B4GALT3: variants seen among roughly 807,000 people sequenced by gnomAD.
B4GALT3 encodes the protein beta-1,4-galactosyltransferase 3.
A neutral mutation model predicts 40.7 loss-of-function variants in B4GALT3; 29 were observed. The ratio of observed to expected loss-of-function variants is 0.71; its 90% confidence interval spans 0.53 to 0.97. B4GALT3 has a LOEUF of 0.97. Among genes scored for constraint, B4GALT3 ranks in the 50% least tolerant of loss-of-function variants. The probability of loss-of-function intolerance (pLI) is 0.00; values close to 1 mark genes in which losing one functional copy is unlikely to be tolerated. For missense variants in B4GALT3, 390 were observed against 522.3 expected (o/e 0.75, Z 2.47); for synonymous variants, 182 against 203.9 (o/e 0.89, Z 0.92).
At chr1:161,176,635 C>T in intron 1 of B4GALT3, 56 bp from the exon 2 acceptor site, 1 of 579,140 alleles carries the variant, frequency 1.7e-6, no homozygotes. Flanking sequence ...AGATCAGGAT[C>T]AGGGTGAAGC....
At chr1:161,173,469 G>C in intron 6 of B4GALT3, 136 bp downstream of exon 6, 1 of 1,307,348 alleles carries the variant, frequency 7.6e-7, no homozygotes, top group East Asian at 2.3e-5. Flanking sequence ...ATCCTAAAAA[G>C]ACTAAGGGAA....
At position 161,171,875 on chromosome 1, in the gene B4GALT3, G is replaced by A; in HGVS notation, c.1123C>T (p.Pro375Ser). ...FRQEMLQRRPPARPGPLSTAN... is the reference protein window; with the variant it reads ...FRQEMLQRRPSARPGPLSTAN... ...GTAGATAGAGGCCCAGGCCTGGCTGGGGGCCGGCGTTGCAGCATCTCTTGA... is the reference window on the plus strand; with the variant it reads ...GTAGATAGAGGCCCAGGCCTGGCTGAGGGCCGGCGTTGCAGCATCTCTTGA... Residue 375 changes from proline (P) to serine (S), a missense_variant, in exon 8 of 8, where the codon CCA (proline) becomes TCA (serine). This residue lies in a region of B4GALT3 where 72 missense variants were observed against 71.3 expected (regional missense o/e 1.01). Transcript: ENST00000319769. The A allele has an allele frequency of 6.2e-7, 1 of 1,614,196 alleles. No homozygotes were observed. Among genetic ancestry groups the A allele is most frequent in the Admixed American group, 1.7e-5 (1 of 60,022 alleles).
chr1:161,176,340 CA>C, intron 2 of B4GALT3, 93 bp downstream of exon 2: 1 of 538,498 alleles, frequency 1.9e-6, no homozygotes, highest in East Asian at 3.1e-5. Flanking sequence ...TCCTCACCCC[CA>C]AAAATGTTTA....
intron 1 of B4GALT3, 180 bp downstream of exon 1, chr1:161,177,243 T>C (rs917634794): frequency 4.6e-6 from 3 of 653,708 alleles, no homozygotes; most frequent in Non-Finnish European, 7.7e-6. Context: ...CCTATCCCAG[T>C]CTCTTGCTTT....
At chr1:161,175,452 G>A (rs1420607963) in intron 3 of B4GALT3, among the ~76,000 whole-genome samples, 1 of 152,070 alleles carries the variant, frequency 6.6e-6, no homozygotes, top group Non-Finnish European at 1.5e-5. Context: ...TTTTAGGGTT[G>A]CCTAACTTTC....
At chr1:161,174,307 T>C (rs1398089698) in intron 4 of B4GALT3, among the ~76,000 whole-genome samples, 1 of 149,262 alleles carries the variant, frequency 6.7e-6, no homozygotes, top group East Asian at 2.0e-4. Context: ...CTCAGGAGGC[T>C]GAGGCAGGAG....
chr1:161,173,840 A>G lies in B4GALT3; in HGVS notation c.680+19T>C. The G allele has an allele frequency of 6.2e-7, 1 of 1,611,556 alleles. No homozygotes were observed. Among genetic ancestry groups the G allele is most frequent in the Non-Finnish European group, 8.5e-7 (1 of 1,178,416 alleles). On this transcript the variant is annotated intron_variant, in intron 5 of 7. Transcript: ENST00000319769. ...ATAGTAGGCTTCCCTGTTTCCCAGT[A>G]CCCTTCCATGCCCTCTACCTGTATC...
At position 161,171,351 on chromosome 1, in the gene B4GALT3, AG is replaced by A; in HGVS notation, c.*464del. ...TTATTAGAAAATATATCAAAATCCC[AG>A]CCCCCTGAGCCAGGACCAGAAGAGG... On this transcript the variant is annotated 3_prime_UTR_variant, in exon 8 of 8. Transcript: ENST00000319769. 9.0e-7 allele frequency: 1 copy of A among 1,114,868 alleles called. No individual in the cohort carries two copies. The highest frequency in any genetic ancestry group is 1.3e-6 in the Non-Finnish European group (1 of 777,000). 69.1% of individuals were successfully genotyped at this position (1,114,868 alleles called of 1,614,324 possible).
In B4GALT3 at chr1:161,171,872, C is replaced by T. The variant is rs1661564536; in HGVS notation, c.1126G>A (p.Ala376Thr). The change falls in exon 8 of 8, where the codon GCC becomes ACC. Residue 376 changes from alanine (A) to threonine (T), a missense_variant. Transcript: ENST00000319769. ...RQEMLQRRPP[A>T]RPGPLSTANH... ...GCAGTAGATAGAGGCCCAGGCCTGG[C>T]TGGGGGCCGGCGTTGCAGCATCTCT... is the stretch of plus-strand genomic sequence containing the variant. The T allele has an allele frequency of 1.2e-6, 2 of 1,614,202 alleles. No individual in the cohort carries two copies. The highest frequency in any genetic ancestry group is 1.7e-6 in the Non-Finnish European group (2 of 1,180,038).
At chr1:161,173,456 G>T in intron 6 of B4GALT3, 149 bp downstream of exon 6, 1 of 1,171,564 alleles carries the variant, frequency 8.5e-7, no homozygotes, top group South Asian at 1.5e-5. Flanking sequence ...GCCTGACCTG[G>T]GTATCCTAAA....
Position 161,173,634 on chromosome 1 carries a change from C to T in B4GALT3, c.774G>A (p.Trp258Ter). 1 of 1,614,136 alleles carries T rather than the reference C, an allele frequency of 6.2e-7. No homozygotes were observed. The highest frequency in any genetic ancestry group is 8.5e-7 in the Non-Finnish European group (1 of 1,180,020). The stretch of plus-strand genomic sequence containing the variant: ...TAGCAATGTCGTCATCCTCACCACC[C>T]CAGCCCCAGTATTCATTGGGGAAGC... ...MNGFPNEYWG[W>*]GGEDDDIATR... The change falls in exon 6 of 8, where the codon TGG becomes TGA. Residue 258 changes from tryptophan to a stop codon, truncating the protein, a stop_gained. Transcript: ENST00000319769. LOFTEE classifies it high-confidence loss of function.
At chr1:161,175,314 G>C in intron 3 of B4GALT3, 86 bp from the exon 4 acceptor site, 1 of 1,211,386 alleles carries the variant, frequency 8.3e-7, no homozygotes, top group Non-Finnish European at 1.2e-6. Flanking sequence ...TCTGACACTG[G>C]CAGTCTGGTT....
intron 6 of B4GALT3, 150 bp downstream of exon 6, chr1:161,173,455 G>C: frequency 1.7e-6 from 2 of 1,165,710 alleles, no homozygotes; most frequent in Non-Finnish European, 2.5e-6. Flanking sequence ...AGCCTGACCT[G>C]GGTATCCTAA....
rs533496641 is a variant in B4GALT3 at position 161,176,974 on chromosome 1, G to A, written c.-160-395C>T. On this transcript the variant is annotated intron_variant, in intron 1 of 7. Coordinates refer to ENST00000319769, the MANE Select transcript of B4GALT3 (RefSeq NM_003779.4). ...ATGTGCCTGGGTGCCAACTCCTCAG[G>A]TGCAGGGACCGTGACCACCTGGGGG... The A allele has an allele frequency of 1.7e-5, 26 of 1,536,140 alleles. No homozygotes were observed. In the African/African-American group the frequency reaches 2.3e-4, roughly 14 times the overall value.
rs1553245831 is a variant in B4GALT3 at position 161,177,039 on chromosome 1, T to A, written c.-161+384A>T. 3 of 1,528,044 alleles carry A rather than the reference T, an allele frequency of 2.0e-6. No homozygotes were observed. In the South Asian group the frequency reaches 3.6e-5, roughly 18 times the overall value. The allele number at this position is 1,528,044 out of a possible 1,614,324, so 94.7% of individuals were successfully genotyped here. A position where few individuals can be genotyped will look rare whatever the true frequency, so the allele number is the denominator to read the frequency against. On this transcript the variant is annotated intron_variant, in intron 1 of 7. Coordinates refer to ENST00000319769, the MANE Select transcript of B4GALT3 (RefSeq NM_003779.4). ...CCCCGGAGCTCGGCGGAGAGTAGGG[T>A]GGGGGTGGCGTCCTCTACCTTTTCT...
chr1:161,174,382 TG>T (rs1240418858), intron 4 of B4GALT3, among the ~76,000 whole-genome samples: 1 of 134,374 alleles, frequency 7.4e-6, no homozygotes, highest in Non-Finnish European at 1.6e-5. Context: ...CACTCCAGCC[TG>T]GGGGACAGAG....
chr1:161,176,067 G>C lies in B4GALT3; in HGVS notation c.-7C>G, dbSNP rs1432729611. 6.2e-7 allele frequency: 1 copy of C among 1,613,946 alleles called. No homozygotes were observed. Among genetic ancestry groups the C allele is most frequent in the East Asian group, 2.2e-5 (1 of 44,876 alleles). On this transcript the variant is annotated 5_prime_UTR_variant, in exon 3 of 8. Coordinates refer to ENST00000319769, the MANE Select transcript of B4GALT3 (RefSeq NM_003779.4). The stretch of plus-strand genomic sequence containing the variant: ...CCAGCAGCCTCCGCAACATCCTGGG[G>C]GTGAGATCTAGGGAGGGAGAGGGGA...
In B4GALT3 at chr1:161,175,849, G is replaced by A. The variant is rs1386657474; in HGVS notation, c.212C>T (p.Pro71Leu). 8 of 1,614,046 alleles carry A rather than the reference G, an allele frequency of 5.0e-6. No individual in the cohort carries two copies. The African/African-American group carries it at 6.7e-5, about 13-fold the overall frequency. ...TTCTGGACAGTAGGGCAGACCTTGA[G>A]GAGCTGGAGGACCCCCTGGGGCCCC... ...LPGAPGGPPA[P>L]QGLPYCPERS... The change falls in exon 3 of 8, where the codon CCT (proline) becomes CTT (leucine). Residue 71 changes from proline (P) to leucine (L), a missense_variant. Pro to Leu is a moderately conservative substitution (Grantham distance 98, BLOSUM62 -3). This residue lies in a region of B4GALT3 where 183 missense variants were observed against 223.2 expected (regional missense o/e 0.82). Coordinates refer to ENST00000319769, the MANE Select transcript of B4GALT3 (RefSeq NM_003779.4).
At chr1:161,174,919 T>C in intron 4 of B4GALT3, 74 bp downstream of exon 4, 4 of 1,481,006 alleles carry the variant, frequency 2.7e-6, no homozygotes, top group Non-Finnish European at 3.8e-6. Context: ...CCCATTTAGA[T>C]GAAAGTGAAG....
Sources: gnomAD v4.1 joint callset for allele counts (sites outside exome capture counted in the v4.1 genomes callset) on GRCh38, gnomAD v4.1.1 for gene constraint, gnomAD v4.1.1 regional missense constraint, MANE v1.5 for transcripts, NCBI Gene and HGNC (gene_info 2026-07-23, HGNC 2026-07-21) for gene names.